The following CPNE4 variants were observed in gnomAD, a reference collection of about 807,000 sequenced individuals.
CPNE4 encodes copine-4.
In CPNE4, 25 loss-of-function variants were observed where a neutral mutation model predicts 67.9. The ratio of observed to expected loss-of-function variants is 0.37; its 90% CI spans 0.27 to 0.51. The LOEUF is 0.51. CPNE4 is among the 20% of genes least tolerant of loss of function. The probability of loss-of-function intolerance (pLI) is 0.93; values close to 1 mark genes in which losing one functional copy is unlikely to be tolerated. For missense variants in CPNE4, 464 were observed against 690.8 expected (o/e 0.67, Z 3.68); for synonymous variants, 242 against 244.9 (o/e 0.99, Z 0.11).
intron 1 of CPNE4, among the ~76,000 whole-genome samples, chr3:131,918,546 C>T (rs1194068674): frequency 6.6e-6 from 1 of 152,094 alleles, no homozygotes; most frequent in Non-Finnish European, 1.5e-5. Flanking sequence ...GACTCAGAAG[C>T]TGACAATCAT....
intron 10 of CPNE4, among the ~76,000 whole-genome samples, chr3:131,567,031 T>G (rs1241425051): frequency 6.6e-6 from 1 of 151,934 alleles, no homozygotes; most frequent in Non-Finnish European, 1.5e-5. Context: ...CCATCATGGG[T>G]CACCACCTCC....
intron 7 of CPNE4, among the ~76,000 whole-genome samples, chr3:131,653,681 T>A (rs1212232661): frequency 6.6e-6 from 1 of 152,114 alleles, no homozygotes; most frequent in Non-Finnish European, 1.5e-5. Context: ...CTGCCCTAGG[T>A]CTCCTCCCCA....
intron 1 of CPNE4, among the ~76,000 whole-genome samples, chr3:131,940,261 C>T (rs1056259296): frequency 6.6e-6 from 1 of 151,934 alleles, no homozygotes; most frequent in Non-Finnish European, 1.5e-5. Flanking sequence ...CTAGATTAAC[C>T]ATGGCTATTA....
At chr3:131,615,150 T>C (rs1158002995) in intron 7 of CPNE4, among the ~76,000 whole-genome samples, 1 of 152,234 alleles carries the variant, frequency 6.6e-6, no homozygotes, top group Non-Finnish European at 1.5e-5. Flanking sequence ...CCTAGGACCA[T>C]GGTTTGAGAA....
chr3:131,779,568 T>C (rs1229310262), intron 2 of CPNE4, among the ~76,000 whole-genome samples: 7 of 151,772 alleles, frequency 4.6e-5, no homozygotes, highest in African/African-American at 1.5e-4. Flanking sequence ...AAGCCAACAA[T>C]AGCAAGCAAT....
At chr3:131,888,932 C>T (rs925800787) in intron 2 of CPNE4, among the ~76,000 whole-genome samples, 1 of 152,070 alleles carries the variant, frequency 6.6e-6, no homozygotes, top group African/African-American at 2.4e-5. Context: ...CTTGGGTTGG[C>T]CAGCAGACCA....
intron 2 of CPNE4, among the ~76,000 whole-genome samples, chr3:131,890,637 C>T (rs1194403084): frequency 2.0e-5 from 3 of 152,024 alleles, no homozygotes; most frequent in Non-Finnish European, 1.5e-5. Flanking sequence ...GAAGAAATAC[C>T]TGTATTCTCA....
chr3:131,584,854 A>T (rs1481854921), intron 8 of CPNE4, among the ~76,000 whole-genome samples: 1 of 152,218 alleles, frequency 6.6e-6, no homozygotes, highest in Non-Finnish European at 1.5e-5. Flanking sequence ...AAATAGCCAC[A>T]TGTAGCTAGT....
chr3:131,791,342 G>A (rs1029523006), intron 2 of CPNE4, among the ~76,000 whole-genome samples: 2 of 151,984 alleles, frequency 1.3e-5, no homozygotes, highest in South Asian at 4.2e-4. Flanking sequence ...TGATTCATCA[G>A]CAAAAATTAT....
chr3:131,555,171 G>A (rs1164349483), intron 12 of CPNE4, among the ~76,000 whole-genome samples: 1 of 152,010 alleles, frequency 6.6e-6, no homozygotes, highest in Non-Finnish European at 1.5e-5. Flanking sequence ...TTTCCTAGGG[G>A]ATATACGAGT....
chr3:131,697,840 A>T (rs1334291444), intron 4 of CPNE4, among the ~76,000 whole-genome samples: 1 of 152,198 alleles, frequency 6.6e-6, no homozygotes, highest in Non-Finnish European at 1.5e-5. Context: ...ATCTGCAGAG[A>T]CCTAGAAAAT....
intron 1 of CPNE4, among the ~76,000 whole-genome samples, chr3:132,029,997 C>T (rs2107701756): frequency 6.6e-6 from 1 of 152,282 alleles, no homozygotes; most frequent in African/African-American, 2.4e-5. Context: ...TGGCTGCAGA[C>T]AATGACTTTG....
chr3:131,744,137 T>G (rs2082429575), intron 2 of CPNE4, among the ~76,000 whole-genome samples: 1 of 151,824 alleles, frequency 6.6e-6, no homozygotes, highest in Admixed American at 6.6e-5. Flanking sequence ...TGACTTTTAT[T>G]TTTACTAACT....
intron 2 of CPNE4, among the ~76,000 whole-genome samples, chr3:131,842,391 T>C (rs1034638367): frequency 6.6e-6 from 1 of 152,142 alleles, no homozygotes; most frequent in Non-Finnish European, 1.5e-5. Context: ...AGACATCTAC[T>C]TCAGAGGTGG....
chr3:131,754,934 G>A (rs1350488792), intron 2 of CPNE4, among the ~76,000 whole-genome samples: 2 of 152,122 alleles, frequency 1.3e-5, no homozygotes, highest in African/African-American at 4.8e-5. Context: ...ATGTCATGAT[G>A]TCTCTGTGAA....
Position 131,669,759 on chromosome 3 carries a change from C to T in CPNE4, c.597G>A (p.Val199=), listed in dbSNP as rs996558466. 6.2e-7 allele frequency: 1 copy of T among 1,612,668 alleles called. No individual in the cohort carries two copies. Among genetic ancestry groups the T allele is most frequent in the African/African-American group, 1.3e-5 (1 of 74,868 alleles). The change falls in exon 7 of 16, where the codon GTG becomes GTA. Residue 199 remains valine (V), a synonymous_variant. Coordinates refer to ENST00000429747, the MANE Select transcript of CPNE4 (RefSeq NM_130808.3). ...TQQLVHRTEV[V]MNNLSPAWKS... is the part of the protein sequence containing the mutation. ...TCCAGGCTGGGCTTAAGTTATTCAT[C>T]ACAACCTGGGAAAAGAAAGAGAGGA...
chr3:131,870,488 G>A (rs1268201935), intron 2 of CPNE4, among the ~76,000 whole-genome samples: 4 of 152,172 alleles, frequency 2.6e-5, no homozygotes, highest in Admixed American at 2.6e-4. Flanking sequence ...GAGAGGACAA[G>A]AAGTTAGTGG....
At chr3:131,629,892 G>GTC (rs1219699674) in intron 7 of CPNE4, among the ~76,000 whole-genome samples, 2 of 151,720 alleles carry the variant, frequency 1.3e-5, no homozygotes, top group African/African-American at 2.4e-5. Context: ...TGTGAATGTG[G>GTC]TCTCTCTCTC....
rs1416002722 is a variant in CPNE4 at position 131,892,127 on chromosome 3, G to C, written c.180+13137C>G. ...ATCTTACAAGAAAAAAGGTAAGCTG[G>C]AGATCCCCAAACAGTCCCCACTGCC... On this transcript the variant is annotated intron_variant, in intron 2 of 15. Coordinates refer to ENST00000429747, the MANE Select transcript of CPNE4 (RefSeq NM_130808.3). Among the ~76,000 whole-genome samples, 3 of 152,216 alleles carry C rather than the reference G, an allele frequency of 2.0e-5. No homozygotes were observed. In the East Asian group the frequency reaches 5.8e-4, roughly 29 times the overall value.
Sources: allele counts gnomAD v4.1 joint callset (sites outside exome capture counted in the v4.1 genomes callset), GRCh38; gene constraint gnomAD v4.1.1; transcripts MANE v1.5; gene names NCBI Gene and HGNC (gene_info 2026-07-23, HGNC 2026-07-21).